Variants in POM121C observed in about 807,000 individuals in gnomAD.
The protein encoded by POM121C is POM121 transmembrane nucleoporin C.
In POM121C, 20 loss-of-function variants were observed where a neutral mutation model predicts 66.4. The ratio of observed to expected loss-of-function variants is 0.30; its 90% confidence interval spans 0.21 to 0.44. The LOEUF (loss-of-function observed/expected upper bound fraction) is 0.44, where lower values mean the gene tolerates loss of function less well. Among genes scored for constraint, POM121C ranks in the 20% least tolerant of loss-of-function variants. The pLI is 1.00. For synonymous variants in POM121C, 286 were observed against 528.0 expected (o/e 0.54, Z 6.28); for missense variants, 580 against 1,225.7 (o/e 0.47, Z 7.87).
intron 3 of POM121C, among the ~76,000 whole-genome samples, chr7:75,449,358 TTC>T (rs1187393670): frequency 6.7e-6 from 1 of 149,354 alleles, no homozygotes; most frequent in Non-Finnish European, 1.5e-5. Flanking sequence ...CACTCCACTG[TTC>T]TCTCTCTTTT....
In POM121C at chr7:75,456,933, G is replaced by T. The variant is rs1791239908; in HGVS notation, c.-151-15286C>A. Among the ~76,000 whole-genome samples the T allele has an allele frequency of 2.0e-5, 3 of 150,970 alleles. No individual in the cohort carries two copies. In the South Asian group the frequency reaches 6.3e-4, roughly 32 times the overall value. Reference sequence around the variant, plus strand: ...AGGCCGAGGCAGGTGAATCACCTGAGGTCAGGAGTTTGAGACCAGCCTGGC... The same window carrying T: ...AGGCCGAGGCAGGTGAATCACCTGATGTCAGGAGTTTGAGACCAGCCTGGC... On this transcript the variant is annotated intron_variant, in intron 3 of 14. Coordinates refer to ENST00000615331, the MANE Select transcript of POM121C (RefSeq NM_001099415.3).
At chr7:75,462,146 G>A (rs1554477118) in intron 3 of POM121C, among the ~76,000 whole-genome samples, 1 of 146,772 alleles carries the variant, frequency 6.8e-6, no homozygotes, top group Non-Finnish European at 1.5e-5. Flanking sequence ...GGACCTGGTG[G>A]AAGGTGACTG....
intron 7 of POM121C, among the ~76,000 whole-genome samples, chr7:75,434,361 G>A (rs186312348): frequency 7.4e-4 from 112 of 150,478 alleles, no homozygotes; most frequent in African/African-American, 2.4e-3. Flanking sequence ...CTTGACCTCC[G>A]CCTTCCAGGG....
chr7:75,473,757 C>T (rs1157331209), intron 3 of POM121C, among the ~76,000 whole-genome samples: 10 of 150,856 alleles, frequency 6.6e-5, no homozygotes, highest in Non-Finnish European at 1.0e-4. Context: ...GGCGGGATCT[C>T]GGCTCACTGC....
At chr7:75,482,385 G>A (rs1374386767) in intron 1 of POM121C, among the ~76,000 whole-genome samples, 1 of 152,136 alleles carries the variant, frequency 6.6e-6, no homozygotes, top group Non-Finnish European at 1.5e-5. Context: ...AGACCAGCCT[G>A]AGCAATACAG....
chr7:75,442,023 G>A, intron 3 of POM121C: 1 of 855,604 alleles, frequency 1.2e-6, no homozygotes, highest in Non-Finnish European at 1.7e-6. Context: ...GTGTTAAGGA[G>A]GGCAAAACCA....
At chr7:75,478,013 C>A (rs1432667991) in intron 1 of POM121C, among the ~76,000 whole-genome samples, 1 of 152,144 alleles carries the variant, frequency 6.6e-6, no homozygotes, top group Non-Finnish European at 1.5e-5. Flanking sequence ...GTCTTCCAGG[C>A]TGGGGTGCAA....
chr7:75,468,509 G>T (rs1282609460), intron 3 of POM121C, among the ~76,000 whole-genome samples: 1 of 151,894 alleles, frequency 6.6e-6, no homozygotes, highest in Non-Finnish European at 1.5e-5. Flanking sequence ...AGTAGAGACA[G>T]GATTTCGCCA....
At chr7:75,474,363 C>A (rs1173154278) in intron 3 of POM121C, among the ~76,000 whole-genome samples, 2 of 152,166 alleles carry the variant, frequency 1.3e-5, no homozygotes, top group African/African-American at 2.4e-5. Context: ...CAGTGCACAT[C>A]AGCCTGGGTG....
At chr7:75,447,406 A>G (rs1790859199) in intron 3 of POM121C, among the ~76,000 whole-genome samples, 1 of 148,642 alleles carries the variant, frequency 6.7e-6, no homozygotes, top group Admixed American at 6.8e-5. Context: ...AATGATATAG[A>G]TCAAATCCTG....
intron 3 of POM121C, among the ~76,000 whole-genome samples, chr7:75,470,712 A>T (rs1440256130): frequency 2.6e-5 from 4 of 151,864 alleles, no homozygotes; most frequent in Non-Finnish European, 5.9e-5. Context: ...AGCCCACTGC[A>T]GCCTTGACCT....
At chr7:75,424,420 T>G (rs1789853415) in intron 11 of POM121C, 106 bp downstream of exon 11, 1 of 1,494,636 alleles carries the variant, frequency 6.7e-7, no homozygotes, top group African/African-American at 1.4e-5. Context: ...CATGGAACTC[T>G]ACTTCGGATT....
At chr7:75,449,263 A>G (rs1449655362) in intron 3 of POM121C, among the ~76,000 whole-genome samples, 278 of 150,998 alleles carry the variant, frequency 1.8e-3, no homozygotes, top group Non-Finnish European at 3.2e-3. Context: ...CTGAGGCTGG[A>G]AAAGTGGTGA....
intron 7 of POM121C, among the ~76,000 whole-genome samples, chr7:75,433,368 A>G (rs181582633): frequency 2.2e-3 from 326 of 149,216 alleles, no homozygotes; most frequent in African/African-American, 7.7e-3. Context: ...TTATTTATCT[A>G]TTTTTGAGAT....
rs1563143272 is a variant in POM121C, at chr7:75,437,464, A to C, written c.480+51T>G. ...CTACCATGTCTGGCCCTAATCAATG[A>C]ATGAACGCTGGGAATTCATGCCCCC... On this transcript the variant is annotated intron_variant, in intron 7 of 14. Coordinates refer to ENST00000615331, the MANE Select transcript of POM121C (RefSeq NM_001099415.3). 2.2e-5 allele frequency: 34 copies of C among 1,572,916 alleles called. No homozygotes were observed. The Middle Eastern group carries it at 5.1e-4, about 24-fold the overall frequency.
At chr7:75,465,897 A>G (rs587650147) in intron 3 of POM121C, among the ~76,000 whole-genome samples, 114 of 66,128 alleles carry the variant, frequency 1.7e-3, no homozygotes, top group African/African-American at 5.5e-3. Context: ...CCCTGTCTCA[A>G]AAAAAAAAAA....
At chr7:75,431,032 C>CATCA (rs1399128780) in intron 7 of POM121C, among the ~76,000 whole-genome samples, 2 of 126,264 alleles carry the variant, frequency 1.6e-5, no homozygotes, top group African/African-American at 6.1e-5. Flanking sequence ...GCCCAGATCG[C>CATCA]ATCACTGCAC....
At chr7:75,483,902 A>T (rs1792406325) in intron 1 of POM121C, among the ~76,000 whole-genome samples, 1 of 152,074 alleles carries the variant, frequency 6.6e-6, no homozygotes, top group African/African-American at 2.4e-5. Flanking sequence ...GGAGTTTGAG[A>T]CCAACCTGGC....
At chr7:75,461,837 A>T (rs1268496269) in intron 3 of POM121C, among the ~76,000 whole-genome samples, 1 of 151,938 alleles carries the variant, frequency 6.6e-6, no homozygotes, top group African/African-American at 2.4e-5. Flanking sequence ...GAAATTAAAT[A>T]CACTTCTAAA....
Sources: allele counts gnomAD v4.1 joint callset (sites outside exome capture counted in the v4.1 genomes callset), GRCh38; gene constraint gnomAD v4.1.1; transcripts MANE v1.5; gene names NCBI Gene and HGNC (gene_info 2026-07-23, HGNC 2026-07-21).